The following RALGAPA2 variants were observed in gnomAD, a reference collection of about 807,000 sequenced individuals.
RALGAPA2 encodes Ral GTPase activating protein catalytic subunit alpha 2, also known as ral GTPase-activating protein subunit alpha-2.
In RALGAPA2, 139 loss-of-function variants were observed where a neutral mutation model predicts 230.4. The ratio of observed to expected loss-of-function variants is 0.60; its 90% confidence interval spans 0.53 to 0.69. The LOEUF is 0.69. Among genes scored for constraint, RALGAPA2 ranks in the 30% least tolerant of loss-of-function variants. RALGAPA2 has a pLI of 0.00. For synonymous variants in RALGAPA2, 847 were observed against 837.8 expected (o/e 1.01, Z -0.19); for missense variants, 2,163 against 2,276.0 (o/e 0.95, Z 1.01).
At chr20:20,691,364 C>A (rs763878574) in intron 1 of RALGAPA2, among the ~76,000 whole-genome samples, 4 of 152,158 alleles carry the variant, frequency 2.6e-5, no homozygotes, top group East Asian at 3.8e-4. Flanking sequence ...CTCCCTCTAA[C>A]GTATTCACAC....
At chr20:20,546,148 AT>A (rs1161379743) in intron 24 of RALGAPA2, among the ~76,000 whole-genome samples, 5 of 152,262 alleles carry the variant, frequency 3.3e-5, no homozygotes, top group Middle Eastern at 3.4e-3. Flanking sequence ...AGTAAAAATA[AT>A]TTTTTTGTAG....
chr20:20,553,408 C>T (rs2063987112), intron 23 of RALGAPA2, among the ~76,000 whole-genome samples: 1 of 151,960 alleles, frequency 6.6e-6, no homozygotes, highest in Non-Finnish European at 1.5e-5. Flanking sequence ...AAAAATTAGC[C>T]AGGTGTGGTG....
intron 24 of RALGAPA2, among the ~76,000 whole-genome samples, chr20:20,545,466 C>T (rs539582411): frequency 3.3e-5 from 5 of 152,062 alleles, no homozygotes; most frequent in Admixed American, 2.0e-4. Context: ...TGTGTGAAAG[C>T]GCCAACATGA....
Position 20,468,941 on chromosome 20 carries a change from C to CTG in RALGAPA2, c.5495+3886_5495+3887dup, listed in dbSNP as rs373453686. On this transcript the variant is annotated intron_variant, in intron 37 of 39. Coordinates refer to ENST00000202677, the MANE Select transcript of RALGAPA2 (RefSeq NM_020343.4). ...CTTAAATGTTTCCATCACCTCCATC[C>CTG]TGTGTGTGTGTGTGTGTGTGTTTGT... Among the ~76,000 whole-genome samples, 1,060 of 148,142 alleles carry CTG rather than the reference C, an allele frequency of 7.2e-3. 5 individuals are homozygous for CTG. Among genetic ancestry groups the CTG allele is most frequent in the East Asian group, 0.03 (153 of 5,072 alleles).
At chr20:20,589,425 C>T (rs973533638) in intron 17 of RALGAPA2, 60 bp from the exon 18 acceptor site, 42 of 1,474,694 alleles carry the variant, frequency 2.8e-5, no homozygotes, top group Admixed American at 2.8e-4. Flanking sequence ...ATAGTAAAAC[C>T]GGAAAATGAT....
chr20:20,633,631 G>T (rs1297037925), intron 9 of RALGAPA2, among the ~76,000 whole-genome samples: 2 of 151,588 alleles, frequency 1.3e-5, no homozygotes, highest in Non-Finnish European at 2.9e-5. Flanking sequence ...GGGACTACAG[G>T]TACCCGCCAC....
rs369334904 is a variant in RALGAPA2 at position 20,629,469 on chromosome 20, C to T, written c.1127G>A (p.Ser376Asn). Residue 376 changes from serine to asparagine, a missense_variant, in exon 10 of 40, where the codon AGC becomes AAC. Ser to Asn is a conservative substitution (Grantham distance 46). Transcript: ENST00000202677. The part of the protein sequence containing the change: ...TLSDRRLSNS[S>N]LCSIEEEHRM... ...GTGCTCTTCTTCAATGCTACAGAGG[C>T]TGGAGTTGCTGAGTCTTCGGTCCGA... 54 of 1,613,828 alleles carry T rather than the reference C, an allele frequency of 3.3e-5. No homozygotes were observed. Among genetic ancestry groups the T allele is most frequent in the Non-Finnish European group, 4.4e-5 (52 of 1,179,900 alleles).
chr20:20,470,970 T>C (rs552768001), intron 37 of RALGAPA2: 1 of 152,320 alleles, frequency 6.6e-6, no homozygotes, highest in African/African-American at 2.4e-5. Flanking sequence ...TAATACCAAT[T>C]AAATTTTCTC....
chr20:20,633,954 G>A (rs920264160), intron 9 of RALGAPA2, among the ~76,000 whole-genome samples: 4 of 152,182 alleles, frequency 2.6e-5, no homozygotes, highest in Non-Finnish European at 5.9e-5. Context: ...GAAGGAGAGA[G>A]AGAAAGAGAT....
intron 15 of RALGAPA2, among the ~76,000 whole-genome samples, chr20:20,602,885 A>G (rs2065701564): frequency 6.6e-6 from 1 of 151,880 alleles, no homozygotes; most frequent in East Asian, 1.9e-4. Flanking sequence ...GGATTACAAC[A>G]ATTGAAGGTA....
chr20:20,407,602 G>A (rs1053762385), intron 38 of RALGAPA2, among the ~76,000 whole-genome samples: 1 of 152,198 alleles, frequency 6.6e-6, no homozygotes, highest in South Asian at 2.1e-4. Flanking sequence ...GCTTTGGGGC[G>A]AATGTGTAAC....
intron 37 of RALGAPA2, among the ~76,000 whole-genome samples, chr20:20,460,934 A>G (rs2061287222): frequency 1.3e-5 from 2 of 152,242 alleles, no homozygotes; most frequent in Admixed American, 1.3e-4. Flanking sequence ...GAGAAAGCCA[A>G]TATAAGTTAA....
chr20:20,463,110 G>A (rs2061339902), intron 37 of RALGAPA2, among the ~76,000 whole-genome samples: 1 of 151,986 alleles, frequency 6.6e-6, no homozygotes, highest in Non-Finnish European at 1.5e-5. Context: ...AGAATAGGAG[G>A]ATGGGCTTAA....
At chr20:20,393,343 G>C in intron 39 of RALGAPA2, 90 bp from the exon 40 acceptor site, 1 of 1,045,026 alleles carries the variant, frequency 9.6e-7, no homozygotes, top group Non-Finnish European at 1.2e-6. Flanking sequence ...CACTCAGAAG[G>C]GAGGGAAACT....
chr20:20,576,540 A>G (rs190694442), intron 20 of RALGAPA2, among the ~76,000 whole-genome samples: 2 of 152,148 alleles, frequency 1.3e-5, no homozygotes, highest in East Asian at 3.9e-4. Context: ...TATTTTTCCA[A>G]CATTCTTCAA....
intron 1 of RALGAPA2, among the ~76,000 whole-genome samples, chr20:20,681,553 G>T (rs1216700145): frequency 6.6e-6 from 1 of 152,204 alleles, no homozygotes; most frequent in Non-Finnish European, 1.5e-5. Flanking sequence ...ACCTCACAAT[G>T]CTGGGGGCTC....
At chr20:20,693,216 G>T (rs899387218) in intron 1 of RALGAPA2, among the ~76,000 whole-genome samples, 1 of 152,130 alleles carries the variant, frequency 6.6e-6, no homozygotes, top group African/African-American at 2.4e-5. Context: ...CAAATACTTA[G>T]TGTTAAAGTT....
Position 20,639,876 on chromosome 20 carries a change from G to A in RALGAPA2, c.575C>T (p.Thr192Ile). 2 of 1,613,102 alleles carry A rather than the reference G, an allele frequency of 1.2e-6. No homozygotes were observed. Among genetic ancestry groups the A allele is most frequent in the Non-Finnish European group, 1.7e-6 (2 of 1,179,074 alleles). Reference sequence around the variant, plus strand: ...CCCTGATATGGCTGGTAGGAGTGGAGTGATTTCTTCTGGATATATCTTTAC... The same window carrying A: ...CCCTGATATGGCTGGTAGGAGTGGAATGATTTCTTCTGGATATATCTTTAC... ...ADVKIYPEEITPLLPAISGEK... is the reference protein window; with the variant it reads ...ADVKIYPEEIIPLLPAISGEK... The change falls in exon 7 of 40, where the codon ACT becomes ATT. Residue 192 changes from threonine (T) to isoleucine (I), a missense_variant. By Grantham distance (89) the Thr-to-Ile change is moderately conservative (BLOSUM62 -1). Transcript: ENST00000202677.
At chr20:20,509,341 A>G (rs757601252) in intron 33 of RALGAPA2, among the ~76,000 whole-genome samples, 8 of 152,248 alleles carry the variant, frequency 5.3e-5, no homozygotes, top group East Asian at 1.9e-4. Context: ...GTCTCACCTG[A>G]TAAGTCAGGA....
Sources: gnomAD v4.1 joint callset for allele counts (sites outside exome capture counted in the v4.1 genomes callset) on GRCh38, gnomAD v4.1.1 for gene constraint, MANE v1.5 for transcripts, NCBI Gene and HGNC (gene_info 2026-07-23, HGNC 2026-07-21) for gene names.